The following GSG1L variants were observed in gnomAD, a reference collection of about 807,000 sequenced individuals.
GSG1L encodes GSG1 like, also known as germ cell-specific gene 1-like protein.
A neutral mutation model predicts 42.1 loss-of-function variants in GSG1L; 24 were observed. The observed-to-expected ratio is 0.57, with a 90% CI of 0.41 to 0.80. GSG1L has a LOEUF of 0.80. GSG1L is among the 30% of genes least tolerant of loss of function. The pLI is 0.00. For missense variants in GSG1L, 445 were observed against 472.2 expected, an observed-to-expected ratio of 0.94 and a Z score of 0.53; for synonymous variants, 215 against 203.5, an observed-to-expected ratio of 1.06 and a Z score of -0.48.
chr16:27,836,301 T>G (rs1274395919), intron 4 of GSG1L, among the ~76,000 whole-genome samples: 1 of 152,120 alleles, frequency 6.6e-6, no homozygotes, highest in Non-Finnish European at 1.5e-5. Flanking sequence ...AACTTTAGTT[T>G]TTTTTCAAGT....
intron 3 of GSG1L, among the ~76,000 whole-genome samples, chr16:27,878,692 C>T (rs765331770): frequency 6.6e-6 from 1 of 152,226 alleles, no homozygotes; most frequent in Non-Finnish European, 1.5e-5. Context: ...CACCTTCAGC[C>T]TCCCAAAGTG....
chr16:27,791,083 T>C lies in GSG1L; in HGVS notation c.*287A>G, dbSNP rs1170375173. 1 of 289,054 alleles carries C rather than the reference T, an allele frequency of 3.5e-6. No homozygotes were observed. Among genetic ancestry groups the C allele is most frequent in the Non-Finnish European group, 6.4e-6 (1 of 156,504 alleles). 17.9% of individuals were successfully genotyped at this position (289,054 alleles called of 1,614,324 possible). A position where few individuals can be genotyped will look rare whatever the true frequency, so the allele number is the denominator to read the frequency against. ...GCCAGTGGCCATGTGTCTCCTGGCA[T>C]CGCAGCTGTGCCCAGCAGGGCTCAT... On this transcript the variant is annotated 3_prime_UTR_variant, in exon 7 of 7. Transcript: ENST00000447459.
intron 3 of GSG1L, among the ~76,000 whole-genome samples, chr16:27,855,417 G>C (rs527357150): frequency 6.6e-6 from 1 of 152,196 alleles, no homozygotes; most frequent in African/African-American, 2.4e-5. Flanking sequence ...GGCGCTAAGG[G>C]CTGCAGAAAA....
intron 5 of GSG1L, among the ~76,000 whole-genome samples, chr16:27,823,317 A>G (rs921732720): frequency 6.6e-6 from 1 of 152,188 alleles, no homozygotes; most frequent in African/African-American, 2.4e-5. Flanking sequence ...CCATGTGCAC[A>G]TGCATACGCA....
Position 27,849,206 on chromosome 16 carries a change from A to ACCCC in GSG1L, c.551-4146_551-4145insGGGG, listed in dbSNP as rs1567485082. Among the ~76,000 whole-genome samples, 265 of 122,028 alleles carry ACCCC rather than the reference A, an allele frequency of 2.2e-3. 6 individuals are homozygous for ACCCC. Among genetic ancestry groups the ACCCC allele is most frequent in the African/African-American group, 8.1e-3 (239 of 29,546 alleles). The allele number at this position is 122,028 out of a possible 152,430, so 80.1% of individuals were successfully genotyped here. On this transcript the variant is annotated intron_variant, in intron 3 of 6. Coordinates refer to ENST00000447459, the MANE Select transcript of GSG1L (RefSeq NM_001109763.2). ...GAGTGAGCCTCTATCCCAAAAAGAA[A>ACCCC]AAAAAAAAAAAAAAAAAGAGAAAAG...
At chr16:27,910,635 C>A (rs1448014228) in intron 2 of GSG1L, among the ~76,000 whole-genome samples, 4 of 152,202 alleles carry the variant, frequency 2.6e-5, no homozygotes, top group Non-Finnish European at 4.4e-5. Context: ...GTCTTCCCAT[C>A]ACAGACACCC....
intron 1 of GSG1L, among the ~76,000 whole-genome samples, chr16:28,031,371 G>C (rs961726846): frequency 6.9e-6 from 1 of 145,968 alleles, no homozygotes; most frequent in African/African-American, 2.5e-5. Context: ...GGGGTGGGAT[G>C]AGATGGGATG....
intron 5 of GSG1L, among the ~76,000 whole-genome samples, chr16:27,816,711 G>A (rs1399987659): frequency 6.6e-6 from 1 of 152,156 alleles, no homozygotes; most frequent in Non-Finnish European, 1.5e-5. Flanking sequence ...TTTGCACAAT[G>A]GGCCTTCGTG....
intron 2 of GSG1L, among the ~76,000 whole-genome samples, chr16:27,924,811 T>C (rs1411511083): frequency 6.6e-6 from 1 of 152,230 alleles, no homozygotes; most frequent in Non-Finnish European, 1.5e-5. Flanking sequence ...ATGAGGATGA[T>C]AGATGATGAG....
chr16:28,056,451 T>A (rs976945735), intron 1 of GSG1L, among the ~76,000 whole-genome samples: 16 of 108,940 alleles, frequency 1.5e-4, no homozygotes, highest in South Asian at 3.4e-4. Flanking sequence ...AAGGGGAACA[T>A]CACACCGGGG....
At chr16:27,870,463 C>A (rs1048914426) in intron 3 of GSG1L, among the ~76,000 whole-genome samples, 2 of 151,160 alleles carry the variant, frequency 1.3e-5, no homozygotes, top group Non-Finnish European at 2.9e-5. Flanking sequence ...GTGTTCTTTT[C>A]TCTCTCTCCT....
intron 1 of GSG1L, among the ~76,000 whole-genome samples, chr16:28,035,912 T>C (rs2086029896): frequency 1.3e-5 from 2 of 152,178 alleles, no homozygotes; most frequent in Admixed American, 6.5e-5. Flanking sequence ...CATTAATCCA[T>C]GTGGGATTCA....
At chr16:28,029,183 C>A (rs1329991245) in intron 1 of GSG1L, among the ~76,000 whole-genome samples, 5 of 152,276 alleles carry the variant, frequency 3.3e-5, no homozygotes, top group African/African-American at 1.2e-4. Context: ...GATAAGAATA[C>A]CTACCCCCAA....
At chr16:27,915,239 A>ACACC (rs1491571124) in intron 2 of GSG1L, among the ~76,000 whole-genome samples, 53 of 120,828 alleles carry the variant, frequency 4.4e-4, no homozygotes, top group Middle Eastern at 4.0e-3. Context: ...ACACACACAC[A>ACACC]CCCTGTTGGT....
At chr16:28,003,180 C>T (rs2085598456) in intron 1 of GSG1L, among the ~76,000 whole-genome samples, 1 of 152,192 alleles carries the variant, frequency 6.6e-6, no homozygotes, top group Non-Finnish European at 1.5e-5. Flanking sequence ...CTGAGGGCAC[C>T]AAGCAGACGA....
In GSG1L at chr16:27,820,328, G is replaced by A. The variant is rs569711584; in HGVS notation, c.830+8461C>T. ...GACAGCCCTGTAGGAAACCAGAGAC[G>A]GCGTCGGCACACAGGACCAGGAGAA... On this transcript the variant is annotated intron_variant, in intron 5 of 6. Transcript: ENST00000447459. Among the ~76,000 whole-genome samples, 40 of 152,232 alleles carry A rather than the reference G, an allele frequency of 2.6e-4. No homozygotes were observed. The East Asian group carries it at 6.0e-3, about 23-fold the overall frequency.
At chr16:28,011,484 T>C (rs2085717435) in intron 1 of GSG1L, among the ~76,000 whole-genome samples, 1 of 152,122 alleles carries the variant, frequency 6.6e-6, no homozygotes, top group African/African-American at 2.4e-5. Context: ...CATGGGCCCA[T>C]CCGAAAGAGG....
rs548840013 is a variant in GSG1L, at chr16:28,060,818, G to A, written c.349+2258C>T. On this transcript the variant is annotated intron_variant, in intron 1 of 6. Transcript: ENST00000447459. ...GAAGTTTCAGCAGGACCTGGTGAAC[G>A]TTAAAGGCTCAATAAATGTTAGCCA... is the stretch of plus-strand genomic sequence containing the variant. Among the ~76,000 whole-genome samples the A allele has an allele frequency of 1.7e-4, 26 of 152,286 alleles. No individual in the cohort carries two copies. In the South Asian group the frequency reaches 5.4e-3, roughly 32 times the overall value.
chr16:27,883,517 A>G (rs569378738), intron 3 of GSG1L, among the ~76,000 whole-genome samples: 4 of 152,294 alleles, frequency 2.6e-5, no homozygotes, highest in African/African-American at 7.2e-5. Context: ...ATTATTTGAA[A>G]GATCCCTCTG....
Sources: allele counts gnomAD v4.1 joint callset (sites outside exome capture counted in the v4.1 genomes callset), GRCh38; gene constraint gnomAD v4.1.1; transcripts MANE v1.5; gene names NCBI Gene and HGNC (gene_info 2026-07-23, HGNC 2026-07-21).